The following HMG20B variants were observed in gnomAD, a reference collection of about 807,000 sequenced individuals.
HMG20B encodes the protein high mobility group 20B, also known as SWI/SNF-related matrix-associated actin-dependent regulator of chromatin subfamily E member 1-related.
HMG20B carries 24 observed loss-of-function variants against 41.6 expected under a neutral mutation model. The observed-to-expected ratio is 0.58, with a 90% CI of 0.42 to 0.81. HMG20B has a LOEUF of 0.81. HMG20B is among the 30% of genes least tolerant of loss of function. The pLI is 0.00. For missense variants in HMG20B, 461 were observed against 444.0 expected, an observed-to-expected ratio of 1.04 and a Z score of -0.34; for synonymous variants, 251 against 186.6, an observed-to-expected ratio of 1.34 and a Z score of -2.81.
intron 2 of HMG20B, 35 bp downstream of exon 2, chr19:3,573,382 A>G (rs752224755): frequency 2.6e-5 from 39 of 1,500,922 alleles, no homozygotes; most frequent in South Asian, 6.3e-5. Flanking sequence ...CGCCCTCGCT[A>G]CTTTCCCGGC....
intron 1 of HMG20B, 118 bp from the exon 2 acceptor site, chr19:3,573,174 G>GC (rs894903186): frequency 5.1e-5 from 39 of 764,178 alleles, no homozygotes; most frequent in African/African-American, 7.5e-5. Flanking sequence ...CCTGGATCCG[G>GC]CCCCCCCAGC....
At chr19:3,573,649 G>T (rs1377057368) in intron 2 of HMG20B, 43 bp from the exon 3 acceptor site, 2 of 1,443,272 alleles carry the variant, frequency 1.4e-6, no homozygotes, top group African/African-American at 1.5e-5. Context: ...TGGGGGAGGG[G>T]AGATTCTTGG....
Position 3,576,882 on chromosome 19 carries a change from C to T in HMG20B, c.593-10C>T. The T allele has an allele frequency of 6.4e-7, 1 of 1,561,870 alleles. No homozygotes were observed. The highest frequency in any genetic ancestry group is 8.7e-7 in the Non-Finnish European group (1 of 1,154,744). ...AGGCGCAGGCTTTGACCCCGCTCCC[C>T]CCGGCGCAGCGCGTGAGGCGGAGCT... On this transcript the variant is annotated splice_polypyrimidine_tract_variant and intron_variant, in intron 7 of 9. Coordinates refer to ENST00000333651, the MANE Select transcript of HMG20B (RefSeq NM_006339.3).
At position 3,577,864 on chromosome 19, in the gene HMG20B, G is replaced by T. The variant is rs990957420; in HGVS notation, c.809-117G>T. On this transcript the variant is annotated intron_variant, in intron 8 of 9. Coordinates refer to ENST00000333651, the MANE Select transcript of HMG20B (RefSeq NM_006339.3). Reference sequence around the variant, plus strand: ...CCTGCGCCGCTCCTGCGCTGGCGGTGTCCGGACCTCTGAGCGCCCGCGCGA... The same window carrying T: ...CCTGCGCCGCTCCTGCGCTGGCGGTTTCCGGACCTCTGAGCGCCCGCGCGA... The T allele has an allele frequency of 1.3e-5, 12 of 924,556 alleles. No individual in the cohort carries two copies. In the African/African-American group the frequency reaches 2.0e-4, roughly 16 times the overall value. 57.3% of individuals were successfully genotyped at this position (924,556 alleles called of 1,614,324 possible). A position where few individuals can be genotyped will look rare whatever the true frequency, so the allele number is the denominator to read the frequency against.
chr19:3,573,105 G>A (rs986830871), intron 1 of HMG20B, 111 bp downstream of exon 1: 3 of 513,954 alleles, frequency 5.8e-6, no homozygotes, highest in East Asian at 7.1e-5. Flanking sequence ...GGCCTCCCGG[G>A]GGGGGCAATC....
Position 3,574,365 on chromosome 19 carries a change from C to T in HMG20B, c.148-18C>T. Reference sequence around the variant, plus strand: ...GTACGCCAGGCCCCCCTCCCAACGACGCAGCCCGGTTCTGCAGCCGGTGAA... The same window carrying T: ...GTACGCCAGGCCCCCCTCCCAACGATGCAGCCCGGTTCTGCAGCCGGTGAA... On this transcript the variant is annotated intron_variant, in intron 3 of 9. Transcript: ENST00000333651. 1.3e-6 allele frequency: 2 copies of T among 1,562,812 alleles called. No individual in the cohort carries two copies. Among genetic ancestry groups the T allele is most frequent in the South Asian group, 1.2e-5 (1 of 85,154 alleles).
At chr19:3,577,161 C>CTCCCCCCCCCTCCTCCCT in intron 8 of HMG20B, 54 bp downstream of exon 8, 2 of 1,201,626 alleles carry the variant, frequency 1.7e-6, no homozygotes, top group Non-Finnish European at 2.2e-6. Context: ...CCCCGCCCGC[C>CTCCCCCCCCCTCCTCCCT]TCCCCCCCCC....
intron 6 of HMG20B, 60 bp from the exon 7 acceptor site, chr19:3,576,493 C>T (rs2032164964): frequency 7.3e-6 from 11 of 1,505,628 alleles, no homozygotes; most frequent in Middle Eastern, 1.7e-4. Context: ...TTGGGGCACA[C>T]CCAGAGAGCG....
rs2032144745 is a variant in HMG20B, at chr19:3,575,752, G to T, written c.472+92G>T. Reference sequence around the variant, plus strand: ...TATCACCTGAGGTCAGACCAGCCTGGCCAACATAGTGAAACCCTCCCCCTC... The same window carrying T: ...TATCACCTGAGGTCAGACCAGCCTGTCCAACATAGTGAAACCCTCCCCCTC... On this transcript the variant is annotated intron_variant, in intron 5 of 9. Coordinates refer to ENST00000333651, the MANE Select transcript of HMG20B (RefSeq NM_006339.3). 8.1e-6 allele frequency: 9 copies of T among 1,108,250 alleles called. No homozygotes were observed. In the South Asian group the frequency reaches 1.0e-4, roughly 12 times the overall value. 68.7% of individuals were successfully genotyped at this position (1,108,250 alleles called of 1,614,324 possible).
At chr19:3,574,943 T>C (rs569214983) in intron 4 of HMG20B, among the ~76,000 whole-genome samples, 1 of 152,244 alleles carries the variant, frequency 6.6e-6, no homozygotes, top group African/African-American at 2.4e-5. Context: ...GGTCTCGAAC[T>C]CTTGACCTCA....
chr19:3,578,032 T>C lies in HMG20B; in HGVS notation c.860T>C (p.Leu287Pro), dbSNP rs1320695564. The change falls in exon 9 of 10, where the codon CTT becomes CCT. Residue 287 changes from leucine (L) to proline (P), a missense_variant. Around this residue, in one of 3 missense-constraint regions of HMG20B, gnomAD observed 308 missense variants for 283.4 expected, o/e 1.09. Coordinates refer to ENST00000333651, the MANE Select transcript of HMG20B (RefSeq NM_006339.3). ...LGTLDFYMAR[L>P]HGAIERDPAQ... ...ACTCTGGACTTCTACATGGCCCGGC[T>C]TCACGGAGCCATCGAGCGCGACCCC... The C allele has an allele frequency of 1.2e-6, 2 of 1,609,674 alleles. No individual in the cohort carries two copies. The highest frequency in any genetic ancestry group is 1.1e-5 in the South Asian group (1 of 90,886).
chr19:3,574,308 G>A, intron 3 of HMG20B, 75 bp from the exon 4 acceptor site: 1 of 1,278,632 alleles, frequency 7.8e-7, no homozygotes, highest in Non-Finnish European at 1.1e-6. Context: ...TACGCGTTAG[G>A]CCCCGCCCAT....
At chr19:3,576,068 G>A (rs1442309829) in intron 5 of HMG20B, 193 bp from the exon 6 acceptor site, 1 of 617,160 alleles carries the variant, frequency 1.6e-6, no homozygotes, top group South Asian at 1.9e-5. Flanking sequence ...GCACAGTCCC[G>A]TGGGTTGGGC....
At position 3,577,067 on chromosome 19, in the gene HMG20B, C is replaced by A. The variant is rs1289207597; in HGVS notation, c.768C>A (p.Arg256=). 1 of 1,542,892 alleles carries A rather than the reference C, an allele frequency of 6.5e-7. No individual in the cohort carries two copies. Residue 256 remains arginine (R), a synonymous_variant, in exon 8 of 10, where the codon CGC becomes CGA. Coordinates refer to ENST00000333651, the MANE Select transcript of HMG20B (RefSeq NM_006339.3). ...LALQQQLQAV[R]QALTASFASL... is the part of the protein sequence containing the mutation. The stretch of plus-strand genomic sequence containing the variant: ...TGCAGCAGCAGCTCCAGGCCGTGCG[C>A]CAGGCGCTCACCGCCAGCTTCGCCT...
chr19:3,576,409 G>C, intron 6 of HMG20B, 102 bp downstream of exon 6: 1 of 1,368,620 alleles, frequency 7.3e-7, no homozygotes, highest in Admixed American at 1.7e-5. Context: ...GTGCAAGCAG[G>C]GGCGGTGCCA....
chr19:3,573,478 A>T (rs1258042042), intron 2 of HMG20B, 131 bp downstream of exon 2: 4 of 1,044,200 alleles, frequency 3.8e-6, no homozygotes, highest in East Asian at 3.1e-5. Flanking sequence ...TTCTCCCTCC[A>T]CCCAATTCTG....
At chr19:3,573,671 C>T (rs767187672) in intron 2 of HMG20B, 21 bp from the exon 3 acceptor site, 5 of 1,485,618 alleles carry the variant, frequency 3.4e-6, no homozygotes, top group Non-Finnish European at 2.7e-6. Flanking sequence ...ACGGGGCTGA[C>T]CGCGGTATCC....
intron 3 of HMG20B, 42 bp from the exon 4 acceptor site, chr19:3,574,341 T>C: frequency 1.3e-6 from 2 of 1,497,914 alleles, no homozygotes. Flanking sequence ...CCTGCCCCAG[T>C]ACGCCAGGCC....
intron 8 of HMG20B, among the ~76,000 whole-genome samples, chr19:3,577,461 C>T (rs1247273301): frequency 6.8e-6 from 1 of 147,350 alleles, no homozygotes; most frequent in Admixed American, 6.8e-5. Flanking sequence ...TCCCGCAGCC[C>T]CTTTGTGCCC....
Sources: allele counts gnomAD v4.1 joint callset (sites outside exome capture counted in the v4.1 genomes callset), GRCh38; gene constraint gnomAD v4.1.1; regional missense constraint gnomAD v4.1.1; transcripts MANE v1.5; gene names NCBI Gene and HGNC (gene_info 2026-07-23, HGNC 2026-07-21).